PDCL2: variants seen among roughly 807,000 people sequenced by gnomAD.
PDCL2 encodes phosducin-like protein 2.
A neutral mutation model predicts 30.3 loss-of-function variants in PDCL2; 23 were observed. That is an observed-to-expected ratio of 0.76 (90% CI 0.55 to 1.08). The LOEUF (loss-of-function observed/expected upper bound fraction) is 1.08. PDCL2 is among the 50% of genes least tolerant of loss of function. The probability of loss-of-function intolerance (pLI) is 0.00; values close to 1 mark genes in which losing one functional copy is unlikely to be tolerated. For synonymous variants in PDCL2, 68 were observed against 86.2 expected, an observed-to-expected ratio of 0.79 and a Z score of 1.17; for missense variants, 243 against 282.3, an observed-to-expected ratio of 0.86 and a Z score of 1.00.
rs1455808369 is a variant in PDCL2 at position 55,587,834 on chromosome 4, G to A, written c.6+4270C>T. Among the ~76,000 whole-genome samples the A allele has an allele frequency of 2.6e-5, 4 of 152,066 alleles. No individual in the cohort carries two copies. The East Asian group carries it at 5.8e-4, about 22-fold the overall frequency. ...GCCTCCCAAAGTGCTGGGATTACAG[G>A]TTTCAGCCACTGTGTCTCAACACTT... On this transcript the variant is annotated intron_variant, in intron 1 of 5. Coordinates refer to ENST00000295645, the MANE Select transcript of PDCL2 (RefSeq NM_152401.3).
At chr4:55,584,594 G>A (rs1219117992) in intron 1 of PDCL2, among the ~76,000 whole-genome samples, 1 of 152,004 alleles carries the variant, frequency 6.6e-6, no homozygotes, top group Admixed American at 6.6e-5. Flanking sequence ...TTGGAATCCT[G>A]CAACTTTACT....
At chr4:55,592,037 T>C in intron 1 of PDCL2, 67 bp downstream of exon 1, 2 of 1,588,152 alleles carry the variant, frequency 1.3e-6, no homozygotes, top group South Asian at 2.3e-5. Context: ...TTTGTGTCCC[T>C]TGGCTTCGGG....
intron 3 of PDCL2, among the ~76,000 whole-genome samples, chr4:55,575,636 G>A (rs1041007391): frequency 2.6e-5 from 4 of 152,174 alleles, no homozygotes; most frequent in African/African-American, 9.7e-5. Flanking sequence ...ATAAACTACT[G>A]AAAGGCAAGA....
At chr4:55,560,004 A>G (rs137886107) in intron 5 of PDCL2, among the ~76,000 whole-genome samples, 1 of 152,310 alleles carries the variant, frequency 6.6e-6, no homozygotes, top group Non-Finnish European at 1.5e-5. Flanking sequence ...TAACGAGTAC[A>G]GAGTTTGTTA....
intron 4 of PDCL2, among the ~76,000 whole-genome samples, chr4:55,568,041 C>G (rs1184496635): frequency 2.0e-5 from 3 of 152,078 alleles, no homozygotes; most frequent in Non-Finnish European, 2.9e-5. Flanking sequence ...AAATTTGACT[C>G]AGGAACTGCG....
intron 1 of PDCL2, among the ~76,000 whole-genome samples, chr4:55,586,834 T>C (rs2110168977): frequency 6.6e-6 from 1 of 152,298 alleles, no homozygotes; most frequent in Middle Eastern, 3.4e-3. Flanking sequence ...ACAGTTTTGT[T>C]ATTGCCCATC....
chr4:55,568,681 T>C (rs1194888076), intron 4 of PDCL2, among the ~76,000 whole-genome samples: 1 of 152,118 alleles, frequency 6.6e-6, no homozygotes, highest in Non-Finnish European at 1.5e-5. Context: ...AAGGATTATT[T>C]TGAGCTAAAG....
In PDCL2 at chr4:55,571,669, A is replaced by G. The variant is rs755321182; in HGVS notation, c.219-1808T>C. 3.8e-4 allele frequency among the ~76,000 whole-genome samples: 17 copies of G among 45,302 alleles called. 5 individuals are homozygous for G. The highest frequency in any genetic ancestry group is 6.9e-4 in the Non-Finnish European group (17 of 24,608). The allele number at this position is 45,302 out of a possible 152,430, so 29.7% of individuals were successfully genotyped here. A position where few individuals can be genotyped will look rare whatever the true frequency, so the allele number is the denominator to read the frequency against. ...GCCACTGCACTCCAGCCTGGGCGAC[A>G]GAGTGAGACTCCATCTCAAAAAAAA... On this transcript the variant is annotated intron_variant, in intron 3 of 5. Coordinates refer to ENST00000295645, the MANE Select transcript of PDCL2 (RefSeq NM_152401.3).
chr4:55,590,937 T>G (rs1449790443), intron 1 of PDCL2, among the ~76,000 whole-genome samples: 1 of 152,228 alleles, frequency 6.6e-6, no homozygotes, highest in Non-Finnish European at 1.5e-5. Flanking sequence ...ATCTAAAACA[T>G]AAGCACTGAA....
Position 55,569,835 on chromosome 4 carries a change from G to A in PDCL2, c.245C>T (p.Ala82Val). The A allele has an allele frequency of 6.5e-7, 1 of 1,544,058 alleles. No individual in the cohort carries two copies. The highest frequency in any genetic ancestry group is 1.4e-5 in the African/African-American group (1 of 73,272). The change falls in exon 4 of 6, where the codon GCT (alanine) becomes GTT (valine). Residue 82 changes from alanine (A) to valine (V), a missense_variant. Physicochemically the swap from Ala to Val is moderately conservative, Grantham distance 64 (BLOSUM62 0). Coordinates refer to ENST00000295645, the MANE Select transcript of PDCL2 (RefSeq NM_152401.3). ...YRKKRLQEWK[A>V]LKKKQKFGEL... is the part of the protein sequence containing the mutation. Reference sequence around the variant, plus strand: ...TCCAAATTTTTGTTTTTTCTTAAGAGCTTTCCATTCCTGTAACCGCTTCTT... The same window carrying A: ...TCCAAATTTTTGTTTTTTCTTAAGAACTTTCCATTCCTGTAACCGCTTCTT...
At chr4:55,576,118 G>GT (rs1732562604) in intron 3 of PDCL2, among the ~76,000 whole-genome samples, 3 of 151,792 alleles carry the variant, frequency 2.0e-5, no homozygotes, top group Admixed American at 2.0e-4. Context: ...TTTTGAGACA[G>GT]TCTTGCTTTG....
chr4:55,575,446 T>G (rs920643564), intron 3 of PDCL2, among the ~76,000 whole-genome samples: 5 of 151,736 alleles, frequency 3.3e-5, no homozygotes, highest in African/African-American at 1.2e-4. Context: ...CCAACACACA[T>G]GTTGTGTGAA....
At chr4:55,570,685 T>C (rs1210320619) in intron 3 of PDCL2, among the ~76,000 whole-genome samples, 26 of 152,182 alleles carry the variant, frequency 1.7e-4, no homozygotes, top group Non-Finnish European at 7.3e-5. Context: ...TATTTATCTA[T>C]CCATAGAGAA....
At chr4:55,589,343 A>G (rs551018321) in intron 1 of PDCL2, among the ~76,000 whole-genome samples, 1 of 152,256 alleles carries the variant, frequency 6.6e-6, no homozygotes, top group South Asian at 2.1e-4. Flanking sequence ...TAAACTAAAG[A>G]CATCTTCCTC....
At chr4:55,564,730 T>G (rs1007415495) in intron 4 of PDCL2, among the ~76,000 whole-genome samples, 4 of 152,198 alleles carry the variant, frequency 2.6e-5, no homozygotes, top group African/African-American at 9.6e-5. Flanking sequence ...CCTATCAATT[T>G]GATGGCAAAG....
chr4:55,558,210 A>AT (rs1732029731), intron 5 of PDCL2, among the ~76,000 whole-genome samples: 1 of 152,076 alleles, frequency 6.6e-6, no homozygotes, highest in African/African-American at 2.4e-5. Flanking sequence ...AAGTAGACAC[A>AT]TTCCTGATAT....
At chr4:55,591,644 A>G (rs1037881213) in intron 1 of PDCL2, among the ~76,000 whole-genome samples, 1 of 152,170 alleles carries the variant, frequency 6.6e-6, no homozygotes, top group Non-Finnish European at 1.5e-5. Flanking sequence ...TCCGCCTCCC[A>G]AAAGTCTAAC....
intron 1 of PDCL2, among the ~76,000 whole-genome samples, chr4:55,591,592 G>A (rs1167395284): frequency 1.5e-4 from 23 of 152,246 alleles, no homozygotes; most frequent in Non-Finnish European, 2.9e-5. Context: ...TCACCATGTT[G>A]GCCAAGATGG....
Position 55,585,006 on chromosome 4 carries a change from G to C in PDCL2, c.7-2769C>G, listed in dbSNP as rs369159856. ...GATTTTTGTCCATAATTCTGTTAATGTGGTGTGTCATATTTGTAGATTTGC... is the reference window on the plus strand; with the variant it reads ...GATTTTTGTCCATAATTCTGTTAATCTGGTGTGTCATATTTGTAGATTTGC... On this transcript the variant is annotated intron_variant, in intron 1 of 5. Transcript: ENST00000295645. Among the ~76,000 whole-genome samples, 36 of 152,254 alleles carry C rather than the reference G, an allele frequency of 2.4e-4. No individual in the cohort carries two copies. In the South Asian group the frequency reaches 7.3e-3, roughly 31 times the overall value.
Sources: allele counts gnomAD v4.1 joint callset (sites outside exome capture counted in the v4.1 genomes callset), GRCh38; gene constraint gnomAD v4.1.1; transcripts MANE v1.5; gene names NCBI Gene and HGNC (gene_info 2026-07-23, HGNC 2026-07-21).